LRRC37A2: variants seen among roughly 807,000 people sequenced by gnomAD.
LRRC37A2 encodes the protein leucine-rich repeat-containing protein 37A2.
Under a neutral mutation model 68.8 loss-of-function variants are expected in LRRC37A2, and 9 were observed. The ratio of observed to expected loss-of-function variants is 0.13; its 90% CI spans 0.08 to 0.23. The LOEUF (loss-of-function observed/expected upper bound fraction) is 0.23, where lower values mean the gene tolerates loss of function less well. LRRC37A2 is among the 10% of genes least tolerant of loss of function. LRRC37A2 has a pLI of 1.00. For missense variants in LRRC37A2, 168 were observed against 950.4 expected, an observed-to-expected ratio of 0.18 and a Z score of 10.82; for synonymous variants, 63 against 367.6, an observed-to-expected ratio of 0.17 and a Z score of 9.48.
chr17:46,900,099 TG>T, the LRRC37A2 span, among the ~76,000 whole-genome samples: 2 of 148,450 alleles, frequency 1.3e-5, no homozygotes, highest in African/African-American at 5.0e-5. Flanking sequence ...TACTGTTAGA[TG>T]TAGTAGGAAT....
At chr17:46,899,164 C>A in the LRRC37A2 span, among the ~76,000 whole-genome samples, 1 of 151,960 alleles carries the variant, frequency 6.6e-6, no homozygotes, top group Non-Finnish European at 1.5e-5. Context: ...CTGAGGCTGG[C>A]GGATCACTTG....
the LRRC37A2 span, chr17:46,755,383 A>G: frequency 6.2e-7 from 1 of 1,606,734 alleles, no homozygotes; most frequent in East Asian, 2.2e-5. Context: ...AGTACATACA[A>G]CATTTAATGA....
At chr17:46,893,538 C>T in the LRRC37A2 span, among the ~76,000 whole-genome samples, 5 of 152,196 alleles carry the variant, frequency 3.3e-5, no homozygotes, top group East Asian at 9.6e-4. Context: ...GGTAGTCTAG[C>T]CCATATCATC....
At chr17:46,924,262 G>C in the LRRC37A2 span, 1 of 163,406 alleles carries the variant, frequency 6.1e-6, no homozygotes, top group South Asian at 2.0e-4. Context: ...TGTTTTCAGG[G>C]TTCATCTATA....
the LRRC37A2 span, among the ~76,000 whole-genome samples, chr17:46,868,261 A>G: frequency 1.3e-5 from 2 of 152,218 alleles, no homozygotes; most frequent in African/African-American, 2.4e-5. Flanking sequence ...CTGATCTGAT[A>G]GCATCTCATT....
chr17:46,980,773 C>T, the LRRC37A2 span, among the ~76,000 whole-genome samples: 2 of 151,700 alleles, frequency 1.3e-5, no homozygotes, highest in Admixed American at 1.3e-4. Flanking sequence ...GTGAAGCTTG[C>T]AGTGAGCCGA....
At chr17:46,537,077 A>ATT (rs766255014) in intron 6 of LRRC37A2, among the ~76,000 whole-genome samples, 11 of 34,806 alleles carry the variant, frequency 3.2e-4, no homozygotes, top group Non-Finnish European at 4.4e-4. Flanking sequence ...ATTGTGGTCA[A>ATT]TTTTTTTTTT....
chr17:46,812,558 AGACTCTGGGGGTCGGG>A, the LRRC37A2 span, among the ~76,000 whole-genome samples: 1 of 152,144 alleles, frequency 6.6e-6, no homozygotes, highest in Admixed American at 6.6e-5. Flanking sequence ...AGAGTCTGGC[AGACTCTGGGGGTCGGG>A]GAATGATTAG....
chr17:46,529,677 TA>T (rs1340818623), intron 6 of LRRC37A2, among the ~76,000 whole-genome samples: 4 of 73,128 alleles, frequency 5.5e-5, no homozygotes, highest in Non-Finnish European at 1.1e-4. Context: ...GAAACATAAA[TA>T]TAAATAAATA....
chr17:46,738,587 G>A, the LRRC37A2 span, among the ~76,000 whole-genome samples: 3 of 152,172 alleles, frequency 2.0e-5, no homozygotes, highest in Non-Finnish European at 2.9e-5. Context: ...ACAGGATTCC[G>A]TCCTGGTGCC....
chr17:47,021,257 T>C, the LRRC37A2 span, among the ~76,000 whole-genome samples: 2 of 149,608 alleles, frequency 1.3e-5, no homozygotes, highest in Non-Finnish European at 3.0e-5. Context: ...ATGCAGAGGA[T>C]TGTTTTAGAA....
chr17:46,797,259 G>T, the LRRC37A2 span, among the ~76,000 whole-genome samples: 1 of 152,182 alleles, frequency 6.6e-6, no homozygotes, highest in African/African-American at 2.4e-5. Flanking sequence ...ACTATGCGAT[G>T]TCCTACTCTG....
At chr17:46,941,892 G>T in the LRRC37A2 span, 1 of 982,782 alleles carries the variant, frequency 1.0e-6, no homozygotes. Context: ...GGCCTCTAAG[G>T]TGATTCTGAT....
chr17:46,834,262 G>A, the LRRC37A2 span, among the ~76,000 whole-genome samples: 3 of 152,278 alleles, frequency 2.0e-5, no homozygotes, highest in Non-Finnish European at 2.9e-5. Flanking sequence ...TAACCAAAAC[G>A]ACGGATTTGC....
chr17:46,833,218 C>G, the LRRC37A2 span: 1 of 405,740 alleles, frequency 2.5e-6, no homozygotes, highest in South Asian at 1.8e-5. Context: ...CGGGAAGCAG[C>G]ATGTGCGTGG....
chr17:47,028,150 G>C, the LRRC37A2 span: 112 of 705,642 alleles, frequency 1.6e-4, no homozygotes, highest in Non-Finnish European at 2.2e-4. Flanking sequence ...CTTCCACAGT[G>C]AGATTTCCTT....
chr17:47,032,338 G>A, the LRRC37A2 span, among the ~76,000 whole-genome samples: 15 of 148,932 alleles, frequency 1.0e-4, no homozygotes, highest in Admixed American at 4.1e-4. Context: ...CTTGCGATGC[G>A]GTTATTATTA....
chr17:47,026,197 G>C, the LRRC37A2 span, among the ~76,000 whole-genome samples: 27 of 152,228 alleles, frequency 1.8e-4, no homozygotes, highest in East Asian at 1.2e-3. Context: ...TAACATCAGA[G>C]AGACATCTTG....
At chr17:46,897,653 T>C in the LRRC37A2 span, among the ~76,000 whole-genome samples, 1 of 152,212 alleles carries the variant, frequency 6.6e-6, no homozygotes, top group Middle Eastern at 3.4e-3. Context: ...TTTTTGTTTT[T>C]TATTTTTTAT....
Sources: allele counts gnomAD v4.1 joint callset (sites outside exome capture counted in the v4.1 genomes callset), GRCh38; gene constraint gnomAD v4.1.1; transcripts MANE v1.5; gene names NCBI Gene and HGNC (gene_info 2026-07-23, HGNC 2026-07-21).